Variants in UGT2B7 observed in about 807,000 individuals in gnomAD.
The protein encoded by UGT2B7 is UDP-glucuronosyltransferase 2B7.
UGT2B7 carries 51 observed loss-of-function variants against 51.9 expected under a neutral mutation model. That is an observed-to-expected ratio of 0.98 (90% CI 0.78 to 1.24). UGT2B7 has a LOEUF of 1.24. Ranked by LOEUF, UGT2B7 falls within the 50% of genes most tolerant of loss-of-function variation. UGT2B7 has a pLI of 0.00. For synonymous variants in UGT2B7, 225 were observed against 211.6 expected, an observed-to-expected ratio of 1.06 and a Z score of -0.55; for missense variants, 727 against 628.4, an observed-to-expected ratio of 1.16 and a Z score of -1.68.
chr4:69,083,398 T>C (rs1223673522), intron 1 of UGT2B7, among the ~76,000 whole-genome samples: 2 of 152,074 alleles, frequency 1.3e-5, no homozygotes, highest in East Asian at 1.9e-4. Context: ...TGTAAGTAAT[T>C]TAGTGTATTA....
At chr4:69,092,552 G>GACTA (rs1292301543), upstream of UGT2B7, among the ~76,000 whole-genome samples, 1 of 25,318 alleles carries the variant, frequency 3.9e-5, no homozygotes, top group African/African-American at 4.0e-4. Context: ...CACATCGTAG[G>GACTA]ACAGAGTGAC....
rs374930778 is a variant in UGT2B7, at chr4:69,109,542, A to G, written c.1310+1220A>G. ...GATCATTCATATATCTTCTTTGAAA[A>G]CAGTCTATCCAATCCTTGGAACATT... On this transcript the variant is annotated intron_variant, in intron 5 of 5. Coordinates refer to ENST00000305231, the MANE Select transcript of UGT2B7 (RefSeq NM_001074.4). Among the ~76,000 whole-genome samples, 16 of 152,216 alleles carry G rather than the reference A, an allele frequency of 1.1e-4. No individual in the cohort carries two copies. In the East Asian group the frequency reaches 2.9e-3, roughly 28 times the overall value.
chr4:69,072,713 C>T (rs1319622843), intron 1 of UGT2B7, among the ~76,000 whole-genome samples: 1 of 152,098 alleles, frequency 6.6e-6, no homozygotes, highest in South Asian at 2.1e-4. Flanking sequence ...TCTACCACCT[C>T]ACAACCACTC....
At chr4:69,060,331 C>T (rs923192862) in intron 1 of UGT2B7, among the ~76,000 whole-genome samples, 1 of 152,170 alleles carries the variant, frequency 6.6e-6, no homozygotes, top group Non-Finnish European at 1.5e-5. Flanking sequence ...CTTCCTACTC[C>T]AACCACCCGG....
intron 1 of UGT2B7, among the ~76,000 whole-genome samples, chr4:69,077,628 C>T (rs7691361): frequency 0.43 from 64,630 of 151,134 alleles, 15,330 homozygotes; most frequent in African/African-American, 0.64. Context: ...TGCACATTGA[C>T]TTCGTATCCT....
At chr4:69,061,853 G>GC (rs1718355416) in intron 1 of UGT2B7, among the ~76,000 whole-genome samples, 1 of 152,138 alleles carries the variant, frequency 6.6e-6, no homozygotes, top group African/African-American at 2.4e-5. Flanking sequence ...TCTCCGAATT[G>GC]CCCCAAGCAG....
intron 5 of UGT2B7, 54 bp downstream of exon 5, chr4:69,108,376 C>A: frequency 6.3e-7 from 1 of 1,581,698 alleles, no homozygotes; most frequent in South Asian, 1.1e-5. Context: ...CTTCTCTTGT[C>A]AATAGTGAGT....
At chr4:69,059,809 A>G (rs191713266) in intron 1 of UGT2B7, among the ~76,000 whole-genome samples, 1 of 152,346 alleles carries the variant, frequency 6.6e-6, no homozygotes, top group Non-Finnish European at 1.5e-5. Context: ...CCAGTACAGA[A>G]TTTGTGTGTG....
At chr4:69,057,281 G>T (rs1265886067) in intron 1 of UGT2B7, among the ~76,000 whole-genome samples, 1 of 152,114 alleles carries the variant, frequency 6.6e-6, no homozygotes. Context: ...GCTGAATAAA[G>T]CCCTTCCTTC....
At chr4:69,055,853 G>T (rs1225330763) in intron 1 of UGT2B7, among the ~76,000 whole-genome samples, 1 of 152,142 alleles carries the variant, frequency 6.6e-6, no homozygotes, top group Non-Finnish European at 1.5e-5. Flanking sequence ...ATCCTGTAAG[G>T]CAGCTTAGCT....
intron 1 of UGT2B7, among the ~76,000 whole-genome samples, chr4:69,057,743 C>T (rs950559637): frequency 3.3e-5 from 5 of 152,164 alleles, no homozygotes; most frequent in Non-Finnish European, 1.5e-5. Context: ...ATCCTCAAAA[C>T]CCACCCCATT....
chr4:69,068,018 C>A (rs752609656), intron 1 of UGT2B7, among the ~76,000 whole-genome samples: 1 of 151,990 alleles, frequency 6.6e-6, no homozygotes, highest in East Asian at 1.9e-4. Context: ...CATTTTTAAA[C>A]ATTTTTTGTC....
Position 69,102,818 on chromosome 4 carries a change from CTT to C in UGT2B7, c.884_885del (p.Phe295CysfsTer20), listed in dbSNP as rs770886889. 1.2e-6 allele frequency: 2 copies of C among 1,612,738 alleles called. No homozygotes were observed. The highest frequency in any genetic ancestry group is 1.1e-5 in the South Asian group (1 of 90,976). ...TTCTTTCTTCACAGGAAATGGAAGA[CTT>C]TGTACAGAGCTCTGGAGAAAATGGT... Reference protein sequence around the residue: ...AKPLPKEMEDFVQSSGENGVV... With the variant: ...AKPLPKEMEDXVQSSGENGVV... On this transcript the variant is annotated frameshift_variant, in exon 3 of 6. Coordinates refer to ENST00000305231, the MANE Select transcript of UGT2B7 (RefSeq NM_001074.4). LOFTEE classifies it high-confidence loss of function.
upstream of UGT2B7, among the ~76,000 whole-genome samples, chr4:69,093,871 C>T (rs1343855398): frequency 1.3e-5 from 2 of 152,160 alleles, no homozygotes; most frequent in African/African-American, 2.4e-5. Flanking sequence ...AGTCCCAATG[C>T]GAGTGCCCGT....
At chr4:69,092,689 G>A (rs1719110995), upstream of UGT2B7, among the ~76,000 whole-genome samples, 1 of 151,992 alleles carries the variant, frequency 6.6e-6, no homozygotes. Context: ...TCATTTTATA[G>A]TGAGGCATTA....
Position 69,112,544 on chromosome 4 carries a change from T to C in UGT2B7, c.1398T>C (p.Phe466=), listed in dbSNP as rs1338519986. The C allele has an allele frequency of 6.2e-7, 1 of 1,613,958 alleles. No individual in the cohort carries two copies. ...ATCGAGCAGTCTTCTGGATTGAATT[T>C]GTCATGCGCCACAAAGGAGCTAAAC... is the stretch of plus-strand genomic sequence containing the variant. ...PLDRAVFWIE[F]VMRHKGAKHL... is the part of the protein sequence containing the mutation. The change falls in exon 6 of 6, where the codon TTT becomes TTC. Residue 466 remains phenylalanine (F), a synonymous_variant. Coordinates refer to ENST00000305231, the MANE Select transcript of UGT2B7 (RefSeq NM_001074.4).
intron 1 of UGT2B7, among the ~76,000 whole-genome samples, chr4:69,062,431 A>G (rs1228655954): frequency 6.6e-6 from 1 of 152,244 alleles, no homozygotes; most frequent in East Asian, 1.9e-4. Flanking sequence ...CAGACCCAGT[A>G]CACCCTTTCA....
chr4:69,086,217 A>T (rs1362933658), intron 1 of UGT2B7, among the ~76,000 whole-genome samples: 1 of 151,658 alleles, frequency 6.6e-6, no homozygotes, highest in African/African-American at 2.4e-5. Flanking sequence ...TTTTTGTCAT[A>T]TATTTTAAAA....
At chr4:69,077,939 T>C (rs1016823773) in intron 1 of UGT2B7, among the ~76,000 whole-genome samples, 1 of 152,184 alleles carries the variant, frequency 6.6e-6, no homozygotes, top group African/African-American at 2.4e-5. Flanking sequence ...TCTTATTATT[T>C]TGAGATATGT....
Sources: gnomAD v4.1 joint callset for allele counts (sites outside exome capture counted in the v4.1 genomes callset) on GRCh38, gnomAD v4.1.1 for gene constraint, MANE v1.5 for transcripts, NCBI Gene and HGNC (gene_info 2026-07-23, HGNC 2026-07-21) for gene names.